KLF7: variants seen among roughly 807,000 people sequenced by gnomAD.
The protein encoded by KLF7 is KLF transcription factor 7, also known as Krueppel-like factor 7.
A neutral mutation model predicts 27.3 loss-of-function variants in KLF7; 2 were observed. The observed-to-expected ratio is 0.07, with a 90% CI of 0.03 to 0.23. The LOEUF (loss-of-function observed/expected upper bound fraction) is 0.23, where lower values mean the gene tolerates loss of function less well. Among genes scored for constraint, KLF7 ranks in the 10% least tolerant of loss-of-function variants. The pLI is 1.00. For missense variants in KLF7, 221 were observed against 394.1 expected (o/e 0.56, Z 3.72); for synonymous variants, 165 against 162.4 (o/e 1.02, Z -0.12).
At position 207,098,685 on chromosome 2, in the gene KLF7, G is replaced by A. The variant is rs1051689623; in HGVS notation, c.734-10104C>T. On this transcript the variant is annotated intron_variant, in intron 2 of 3. Transcript: ENST00000309446. ...TCTGTTGCCCAGACTGGAGTGCAGG[G>A]GTGCAATCACAACTCACTGCAACTT... Among the ~76,000 whole-genome samples, 3 of 151,588 alleles carry A rather than the reference G, an allele frequency of 2.0e-5. No individual in the cohort carries two copies. The East Asian group carries it at 5.8e-4, about 29-fold the overall frequency.
upstream of KLF7, chr2:207,166,004 C>T: frequency 1.0e-6 from 1 of 989,878 alleles, no homozygotes; most frequent in East Asian, 1.1e-4. Flanking sequence ...TTTTCTCTCG[C>T]GATCGCTTCT....
intron 2 of KLF7, among the ~76,000 whole-genome samples, chr2:207,105,587 T>C (rs967838829): frequency 6.6e-6 from 1 of 152,178 alleles, no homozygotes; most frequent in Non-Finnish European, 1.5e-5. Flanking sequence ...CCTTCTTCCA[T>C]CACAGTCCAT....
intron 3 of KLF7, among the ~76,000 whole-genome samples, chr2:207,082,789 G>A (rs1479106369): frequency 6.6e-6 from 1 of 152,150 alleles, no homozygotes; most frequent in Non-Finnish European, 1.5e-5. Context: ...GGTTAGCAGG[G>A]TTTCCTGTTC....
At chr2:207,171,141 T>G (rs748869681), upstream of KLF7, among the ~76,000 whole-genome samples, 1 of 151,296 alleles carries the variant, frequency 6.6e-6, no homozygotes, top group Non-Finnish European at 1.5e-5. Flanking sequence ...ATCCCAACCC[T>G]TCTGGGTGAC....
intron 1 of KLF7, among the ~76,000 whole-genome samples, chr2:207,124,803 T>G (rs1189960665): frequency 1.3e-5 from 2 of 152,290 alleles, no homozygotes; most frequent in African/African-American, 4.8e-5. Flanking sequence ...AAGACAAGAC[T>G]TCCCAGAGTC....
chr2:207,124,442 G>A (rs1425754433), intron 1 of KLF7, 38 bp from the exon 2 acceptor site: 1 of 1,530,274 alleles, frequency 6.5e-7, no homozygotes, highest in Admixed American at 2.0e-5. Context: ...ACAGCCATCA[G>A]AGGCACAGAA....
chr2:207,169,836 G>A (rs2078773785), upstream of KLF7, among the ~76,000 whole-genome samples: 1 of 152,020 alleles, frequency 6.6e-6, no homozygotes, highest in Admixed American at 6.6e-5. Flanking sequence ...ATAAGACATA[G>A]AACTTAACTA....
At position 207,124,168 on chromosome 2, in the gene KLF7, C is replaced by A; in HGVS notation, c.339G>T (p.Gln113His). The A allele has an allele frequency of 6.2e-7, 1 of 1,614,164 alleles. No homozygotes were observed. The highest frequency in any genetic ancestry group is 8.5e-7 in the Non-Finnish European group (1 of 1,180,034). Residue 113 changes from glutamine (Q) to histidine (H), a missense_variant, in exon 2 of 4, where the codon CAG becomes CAT. Transcript: ENST00000309446. ...KLLSETCLSL[Q>H]PASSSLDSYT... ...AGCTGTCTAGAGAAGAGCTGGCCGG[C>A]TGGAGGCTGAGGCAGGTCTCAGATA...
intron 2 of KLF7, among the ~76,000 whole-genome samples, chr2:207,106,927 C>T (rs963491224): frequency 6.6e-6 from 1 of 152,044 alleles, no homozygotes; most frequent in Non-Finnish European, 1.5e-5. Context: ...TGGAGTCAGA[C>T]CCAGACTCAA....
intron 1 of KLF7, among the ~76,000 whole-genome samples, chr2:207,141,675 G>C (rs1239400234): frequency 6.6e-6 from 1 of 152,130 alleles, no homozygotes; most frequent in African/African-American, 2.4e-5. Flanking sequence ...TGTTGGCAAT[G>C]AGTATTAAAA....
intron 2 of KLF7, among the ~76,000 whole-genome samples, chr2:207,122,214 G>A (rs1005986040): frequency 1.3e-5 from 2 of 152,172 alleles, no homozygotes; most frequent in African/African-American, 2.4e-5. Context: ...GTGGTGAACT[G>A]GAACCCAAAT....
chr2:207,133,470 C>A (rs1043407257), intron 1 of KLF7, among the ~76,000 whole-genome samples: 9 of 152,310 alleles, frequency 5.9e-5, no homozygotes, highest in Non-Finnish European at 1.0e-4. Flanking sequence ...GGAGAGGACT[C>A]TAAGCAGTTC....
At chr2:207,143,282 CAAATA>C (rs1479640087) in intron 1 of KLF7, among the ~76,000 whole-genome samples, 7 of 151,800 alleles carry the variant, frequency 4.6e-5, no homozygotes. Flanking sequence ...TTCTCATCAT[CAAATA>C]AAAGAAACGT....
In KLF7 at chr2:207,076,143, C is replaced by T. The variant is rs1256945699; in HGVS notation, c.*5070G>A. The T allele has an allele frequency of 6.6e-6, 1 of 152,128 alleles. No homozygotes were observed. The highest frequency in any genetic ancestry group is 1.5e-5 in the Non-Finnish European group (1 of 68,030). 9.4% of individuals were successfully genotyped at this position (152,128 alleles called of 1,614,324 possible). A position where few individuals can be genotyped will look rare whatever the true frequency, so the allele number is the denominator to read the frequency against. On this transcript the variant is annotated 3_prime_UTR_variant, in exon 4 of 4. Coordinates refer to ENST00000309446, the MANE Select transcript of KLF7 (RefSeq NM_003709.4). ...TGAAGGTACGACAGGTACATATGCGCATGTCTAGGTGCGAGCATATATACC... is the reference window on the plus strand; with the variant it reads ...TGAAGGTACGACAGGTACATATGCGTATGTCTAGGTGCGAGCATATATACC...
intron 1 of KLF7, among the ~76,000 whole-genome samples, chr2:207,143,189 T>C (rs935863546): frequency 1.3e-5 from 2 of 152,082 alleles, no homozygotes; most frequent in African/African-American, 4.8e-5. Flanking sequence ...TAAAATACAA[T>C]GCCACTGGAT....
At chr2:207,123,703 G>A in intron 2 of KLF7, 71 bp downstream of exon 2, 4 of 1,514,788 alleles carry the variant, frequency 2.6e-6, no homozygotes, top group Non-Finnish European at 2.7e-6. Context: ...AGAACAAAGA[G>A]GAGCCCTCCC....
In KLF7 at chr2:207,088,598, A is replaced by T. The variant is rs768694689; in HGVS notation, c.734-17T>A. ...GCTTCTCACCTGCAAGAAGAGATGG[A>T]AGGACCGTGGTCAGCAGCAGGAACA... On this transcript the variant is annotated splice_polypyrimidine_tract_variant and intron_variant, in intron 2 of 3. Coordinates refer to ENST00000309446, the MANE Select transcript of KLF7 (RefSeq NM_003709.4). The T allele has an allele frequency of 6.2e-7, 1 of 1,612,084 alleles. No homozygotes were observed. Among genetic ancestry groups the T allele is most frequent in the Non-Finnish European group, 8.5e-7 (1 of 1,178,854 alleles).
At chr2:207,102,107 G>A (rs1226805352) in intron 2 of KLF7, among the ~76,000 whole-genome samples, 2 of 147,428 alleles carry the variant, frequency 1.4e-5, no homozygotes, top group Admixed American at 6.9e-5. Flanking sequence ...GAAACCACCC[G>A]TGAAAGCTAC....
chr2:207,163,301 G>A (rs1262097669), intron 1 of KLF7, among the ~76,000 whole-genome samples: 3 of 152,206 alleles, frequency 2.0e-5, no homozygotes, highest in African/African-American at 7.2e-5. Context: ...GGTGAGAGTG[G>A]CTGGCAGTTG....
Sources: gnomAD v4.1 joint callset for allele counts (sites outside exome capture counted in the v4.1 genomes callset) on GRCh38, gnomAD v4.1.1 for gene constraint, MANE v1.5 for transcripts, NCBI Gene and HGNC (gene_info 2026-07-23, HGNC 2026-07-21) for gene names.